The following SORBS3 variants were observed in gnomAD, a reference collection of about 807,000 sequenced individuals.
The protein encoded by SORBS3 is sorbin and SH3 domain containing 3, also known as vinexin.
In SORBS3, 69 loss-of-function variants were observed where a neutral mutation model predicts 98.0. The ratio of observed to expected loss-of-function variants is 0.70; its 90% CI spans 0.58 to 0.86. The LOEUF is 0.86. SORBS3 is among the 40% of genes least tolerant of loss of function. The probability of loss-of-function intolerance (pLI) is 0.00; values close to 1 mark genes in which losing one functional copy is unlikely to be tolerated. For synonymous variants in SORBS3, 394 were observed against 355.4 expected (o/e 1.11, Z -1.22); for missense variants, 954 against 908.5 (o/e 1.05, Z -0.64).
intron 16 of SORBS3, among the ~76,000 whole-genome samples, chr8:22,568,457 G>A (rs80139104): frequency 1.2e-4 from 19 of 152,130 alleles, no homozygotes; most frequent in Admixed American, 1.0e-3. Context: ...TTCTCATCTC[G>A]TCTGTGACTT....
chr8:22,548,336 A>G (rs1840037525), upstream of SORBS3, among the ~76,000 whole-genome samples: 1 of 152,194 alleles, frequency 6.6e-6, no homozygotes, highest in Non-Finnish European at 1.5e-5. Flanking sequence ...AGGACCCAGG[A>G]GAAAGGGATG....
At chr8:22,564,185 C>A in intron 8 of SORBS3, 98 bp from the exon 9 acceptor site, 2 of 1,484,738 alleles carry the variant, frequency 1.3e-6, no homozygotes, top group Non-Finnish European at 1.9e-6. Flanking sequence ...ACACCGTGGG[C>A]CCAGGGGAAG....
At chr8:22,551,195 AT>A (rs1170422709), upstream of SORBS3, among the ~76,000 whole-genome samples, 2 of 152,058 alleles carry the variant, frequency 1.3e-5, no homozygotes, top group African/African-American at 4.8e-5. The surrounding 1 kb of genome is among the most constrained non-coding windows in gnomAD (Gnocchi z 5.8). Flanking sequence ...CCTTGGGCTG[AT>A]TTCCTCCCTG....
chr8:22,556,498 G>C (rs1309103238), intron 3 of SORBS3, among the ~76,000 whole-genome samples: 2 of 152,196 alleles, frequency 1.3e-5, no homozygotes, highest in African/African-American at 4.8e-5. Context: ...AAAGAAGGAT[G>C]GGGGTAGGGC....
rs761190844 is a variant in SORBS3 at position 22,571,175 on chromosome 8, G to A, written c.1697G>A (p.Arg566His). 1.0e-5 allele frequency: 16 copies of A among 1,578,018 alleles called. No individual in the cohort carries two copies. Among genetic ancestry groups the A allele is most frequent in the Middle Eastern group, 3.3e-4 (2 of 5,994 alleles). Residue 566 changes from arginine to histidine, a missense_variant, in exon 18 of 21, where the codon CGC (arginine) becomes CAC (histidine). Transcript: ENST00000240123. ...IDLGGQTSPR[R>H]TGFSFPTQEP... ...TTGGGGGGACAGACCTCCCCCCGTCGCACTGGCTTCTCCTTCCCCACCCAG... is the reference window on the plus strand; with the variant it reads ...TTGGGGGGACAGACCTCCCCCCGTCACACTGGCTTCTCCTTCCCCACCCAG...
At chr8:22,549,917 A>C, upstream of SORBS3, 1 of 889,118 alleles carries the variant, frequency 1.1e-6, no homozygotes, top group South Asian at 5.2e-5. Context: ...TCAGAGCCCT[A>C]GAGAATAAGA....
rs750614064 is a variant in SORBS3, at chr8:22,574,774, C to CAA, written c.*46_*47insAA. 94 of 1,579,846 alleles carry CAA rather than the reference C, an allele frequency of 5.9e-5. No individual in the cohort carries two copies. Among genetic ancestry groups the CAA allele is most frequent in the Non-Finnish European group, 6.1e-5 (70 of 1,149,636 alleles). ...GAGCCAGCCAGGATGGGGTGGGGAG[C>CAA]GGTGGCACTCGTGGGAGGGAGAGGA... On this transcript the variant is annotated 3_prime_UTR_variant, in exon 21 of 21. Transcript: ENST00000240123.
Position 22,557,985 on chromosome 8 carries a change from G to A in SORBS3, c.415-144G>A, listed in dbSNP as rs144434043. 823 of 753,044 alleles carry A rather than the reference G, an allele frequency of 1.1e-3. 3 individuals carry two copies. In the African/African-American group the frequency reaches 0.012, roughly 11 times the overall value. 46.6% of individuals were successfully genotyped at this position (753,044 alleles called of 1,614,324 possible). On this transcript the variant is annotated intron_variant, in intron 4 of 20. Coordinates refer to ENST00000240123, the MANE Select transcript of SORBS3 (RefSeq NM_005775.5). ...TACATGAAGCTATTGTTATTAAAGA[G>A]ATCGCAAGAGAAGCATTTCCCAGCC... is the stretch of plus-strand genomic sequence containing the variant.
At chr8:22,567,836 T>A (rs1454525106) in intron 16 of SORBS3, among the ~76,000 whole-genome samples, 2 of 148,844 alleles carry the variant, frequency 1.3e-5, no homozygotes, top group African/African-American at 2.5e-5. Flanking sequence ...TATGTAGTGA[T>A]GTCTTCTCTT....
Position 22,566,868 on chromosome 8 carries a change from A to G in SORBS3, c.1190A>G (p.Lys397Arg), listed in dbSNP as rs1840438706. ...TTTGACTTCCAGGCGCAGTCCCCCA[A>G]GTAAGCGCCCTCCTCCCCCTCCCCT... ...LKFDFQAQSP[K>R]ELTLQKGDIV... is the part of the protein sequence containing the mutation. Residue 397 changes from lysine (K) to arginine (R), a missense_variant and splice_region_variant, in exon 15 of 21, where the codon AAG becomes AGG. Lys to Arg is a conservative substitution (Grantham distance 26, BLOSUM62 2). Coordinates refer to ENST00000240123, the MANE Select transcript of SORBS3 (RefSeq NM_005775.5). The G allele has an allele frequency of 6.2e-7, 1 of 1,609,982 alleles. No individual in the cohort carries two copies. The highest frequency in any genetic ancestry group is 8.5e-7 in the Non-Finnish European group (1 of 1,178,212).
upstream of SORBS3, among the ~76,000 whole-genome samples, chr8:22,549,588 G>T (rs1322945651): frequency 6.6e-6 from 1 of 152,314 alleles, no homozygotes; most frequent in South Asian, 2.1e-4. Flanking sequence ...CCATCCTCTC[G>T]GCTGTGAGGC....
chr8:22,561,984 C>T (rs1178337851), intron 7 of SORBS3, 53 bp downstream of exon 7: 1 of 1,553,804 alleles, frequency 6.4e-7, no homozygotes, highest in Non-Finnish European at 8.9e-7. Flanking sequence ...GCCCGCGAGA[C>T]ACCATGGGAC....
At position 22,564,376 on chromosome 8, in the gene SORBS3, G is replaced by A; in HGVS notation, c.762+7G>A. The A allele has an allele frequency of 1.2e-6, 2 of 1,614,012 alleles. No individual in the cohort carries two copies. The highest frequency in any genetic ancestry group is 2.2e-5 in the South Asian group (2 of 91,088). ...ACTAGAGACTGGGCAGAGGGTGAGTGCTGGCTGGCTCTCGGGGTGTGCACG... is the reference window on the plus strand; with the variant it reads ...ACTAGAGACTGGGCAGAGGGTGAGTACTGGCTGGCTCTCGGGGTGTGCACG... On this transcript the variant is annotated splice_region_variant and intron_variant, in intron 9 of 20. Transcript: ENST00000240123.
intron 8 of SORBS3, 52 bp downstream of exon 8, chr8:22,564,129 C>A: frequency 6.4e-7 from 1 of 1,560,236 alleles, no homozygotes; most frequent in Non-Finnish European, 8.8e-7. Context: ...GCCGTATGGC[C>A]AAGACCCTAT....
chr8:22,564,861 A>C lies in SORBS3; in HGVS notation c.816+340A>C. ...AAGACCCATAGCAGAGGCTGGCAGG[A>C]AGCAGCGTGGGGGTGGGGGCTCCGG... On this transcript the variant is annotated intron_variant, in intron 10 of 20. Coordinates refer to ENST00000240123, the MANE Select transcript of SORBS3 (RefSeq NM_005775.5). 15 of 1,267,432 alleles carry C rather than the reference A, an allele frequency of 1.2e-5. No homozygotes were observed. In the South Asian group the frequency reaches 2.8e-4, roughly 23 times the overall value. 78.5% of individuals were successfully genotyped at this position (1,267,432 alleles called of 1,614,324 possible).
chr8:22,561,254 G>T, intron 5 of SORBS3, 81 bp from the exon 6 acceptor site: 1 of 1,362,314 alleles, frequency 7.3e-7, no homozygotes. Context: ...GGGATGTTGG[G>T]AGCGGCTGAG....
At chr8:22,572,579 G>A (rs138443172) in intron 20 of SORBS3, 133 bp downstream of exon 20, 4 of 705,966 alleles carry the variant, frequency 5.7e-6, no homozygotes, top group South Asian at 3.4e-5. Flanking sequence ...CCGGGCTACT[G>A]GGGGGGCCTG....
Position 22,564,451 on chromosome 8 carries a change from C to G in SORBS3, c.763-17C>G. ...AAGTGAGTTCACCTGCTCTGACACA[C>G]CCTTTCTACCCTTCAGCCCAAGAAA... On this transcript the variant is annotated splice_polypyrimidine_tract_variant and intron_variant, in intron 9 of 20. Transcript: ENST00000240123. 6.2e-7 allele frequency: 1 copy of G among 1,614,162 alleles called. No homozygotes were observed. The highest frequency in any genetic ancestry group is 1.6e-4 in the Middle Eastern group (1 of 6,062).
upstream of SORBS3, among the ~76,000 whole-genome samples, chr8:22,549,121 CTG>C (rs1217215181): frequency 1.3e-5 from 2 of 152,220 alleles, no homozygotes; most frequent in African/African-American, 2.4e-5. Flanking sequence ...AGTTATGTAA[CTG>C]TGTTTACTGT....
Sources: gnomAD v4.1 joint callset for allele counts (sites outside exome capture counted in the v4.1 genomes callset) on GRCh38, gnomAD v4.1.1 for gene constraint, Gnocchi (gnomAD v3.1) non-coding constraint, MANE v1.5 for transcripts, NCBI Gene and HGNC (gene_info 2026-07-23, HGNC 2026-07-21) for gene names.